The following TENM3 variants were observed in gnomAD, a reference collection of about 807,000 sequenced individuals.
TENM3 encodes teneurin-3.
In TENM3, 63 loss-of-function variants were observed where a neutral mutation model predicts 255.1. That is an observed-to-expected ratio of 0.25 (90% CI 0.20 to 0.30). The LOEUF is 0.30. Among genes scored for constraint, TENM3 ranks in the 10% least tolerant of loss-of-function variants. The pLI, the probability that TENM3 is intolerant of heterozygous loss-of-function variation, is 1.00. For synonymous variants in TENM3, 1,306 were observed against 1,322.3 expected, an observed-to-expected ratio of 0.99 and a Z score of 0.27; for missense variants, 2,929 against 3,461.1, an observed-to-expected ratio of 0.85 and a Z score of 3.86.
intron 3 of TENM3, among the ~76,000 whole-genome samples, chr4:182,454,572 G>A (rs1434112830): frequency 6.6e-6 from 1 of 152,148 alleles, no homozygotes; most frequent in Non-Finnish European, 1.5e-5. Flanking sequence ...TGGGAATAAT[G>A]TTTGTTTTAA....
intron 3 of TENM3, among the ~76,000 whole-genome samples, chr4:182,516,700 G>A (rs1737989360): frequency 6.6e-6 from 1 of 152,120 alleles, no homozygotes. Context: ...AGACTAGCCT[G>A]GCCAACATGG....
the TENM3 span, among the ~76,000 whole-genome samples, chr4:181,483,409 C>T: frequency 6.6e-6 from 1 of 152,226 alleles, no homozygotes; most frequent in South Asian, 2.1e-4. Flanking sequence ...CGTAGTCATT[C>T]TGTGGATTAA....
chr4:182,348,785 T>C (rs1261336192), intron 3 of TENM3, among the ~76,000 whole-genome samples: 1 of 150,022 alleles, frequency 6.7e-6, no homozygotes, highest in Non-Finnish European at 1.5e-5. Flanking sequence ...AACATATGTA[T>C]TTTTTTTTCT....
In TENM3 at chr4:182,392,236, C is replaced by T. The variant is rs1003918528; in HGVS notation, c.511+45307C>T. The stretch of plus-strand genomic sequence containing the variant: ...TGCTGCAGCCACCTGCTCTACCGTA[C>T]GGAGCTGAGGTAATTAATAAGAGGT... On this transcript the variant is annotated intron_variant, in intron 3 of 27. Coordinates refer to ENST00000511685, the MANE Select transcript of TENM3 (RefSeq NM_001080477.4). 4.6e-5 allele frequency among the ~76,000 whole-genome samples: 7 copies of T among 152,234 alleles called. 1 individual carries two copies. The South Asian group carries it at 1.0e-3, about 23-fold the overall frequency.
At chr4:182,327,648 A>C (rs1425522316) in intron 2 of TENM3, among the ~76,000 whole-genome samples, 1 of 152,094 alleles carries the variant, frequency 6.6e-6, no homozygotes, top group East Asian at 1.9e-4. Context: ...TCTCACATTG[A>C]TCTCTTTCTC....
intron 1 of TENM3, among the ~76,000 whole-genome samples, chr4:182,212,800 G>A (rs1755144026): frequency 6.6e-6 from 1 of 152,204 alleles, no homozygotes; most frequent in Non-Finnish European, 1.5e-5. Context: ...TAGAACGAGT[G>A]GTGCAAAAGA....
At chr4:182,781,566 C>T (rs1000650930) in intron 24 of TENM3, among the ~76,000 whole-genome samples, 33 of 152,100 alleles carry the variant, frequency 2.2e-4, no homozygotes, top group Admixed American at 6.5e-4. Flanking sequence ...ATGCTGGCCT[C>T]ATAAAATGAG....
chr4:181,988,948 GCCCCACGACCC>G, the TENM3 span, among the ~76,000 whole-genome samples: 1 of 151,924 alleles, frequency 6.6e-6, no homozygotes, highest in African/African-American at 2.4e-5. Flanking sequence ...CTTGTCCATT[GCCCCACGACCC>G]CACTTAGCAG....
At chr4:182,652,016 C>T (rs964369361) in intron 5 of TENM3, among the ~76,000 whole-genome samples, 1 of 152,166 alleles carries the variant, frequency 6.6e-6, no homozygotes, top group African/African-American at 2.4e-5. Context: ...ACATGTTCTC[C>T]TCTCTTAGCC....
At chr4:182,444,789 CA>C (rs1252261061) in intron 3 of TENM3, among the ~76,000 whole-genome samples, 1 of 152,150 alleles carries the variant, frequency 6.6e-6, no homozygotes, top group African/African-American at 2.4e-5. Flanking sequence ...ACACTCCTAA[CA>C]ACCAGCTTTC....
chr4:181,627,338 C>A, the TENM3 span, among the ~76,000 whole-genome samples: 1 of 151,990 alleles, frequency 6.6e-6, no homozygotes, highest in African/African-American at 2.4e-5. Context: ...GCACACATTT[C>A]TTTTTATTTT....
chr4:181,644,709 T>C, the TENM3 span, among the ~76,000 whole-genome samples: 4 of 151,952 alleles, frequency 2.6e-5, no homozygotes, highest in African/African-American at 7.2e-5. Flanking sequence ...TTTTCTGTTT[T>C]TTCTCTTTTA....
chr4:181,632,202 T>G, the TENM3 span, among the ~76,000 whole-genome samples: 1 of 152,076 alleles, frequency 6.6e-6, no homozygotes, highest in African/African-American at 2.4e-5. Flanking sequence ...CAGGCACGTC[T>G]TACATGGTGG....
the TENM3 span, among the ~76,000 whole-genome samples, chr4:181,893,313 C>A: frequency 6.6e-6 from 1 of 152,096 alleles, no homozygotes; most frequent in Admixed American, 6.6e-5. Flanking sequence ...TGAACCCACA[C>A]TCCGAACTTG....
chr4:182,023,591 G>A, the TENM3 span, among the ~76,000 whole-genome samples: 1 of 152,188 alleles, frequency 6.6e-6, no homozygotes, highest in Admixed American at 6.5e-5. Flanking sequence ...GAGCTGAAGT[G>A]TACGCCACTG....
intron 3 of TENM3, among the ~76,000 whole-genome samples, chr4:182,396,732 C>CG (rs1339374905): frequency 1.3e-5 from 2 of 152,066 alleles, no homozygotes; most frequent in African/African-American, 4.8e-5. Context: ...GAGGCTGAGG[C>CG]GGGTGGATCG....
At chr4:182,105,479 A>G in the TENM3 span, among the ~76,000 whole-genome samples, 1 of 152,284 alleles carries the variant, frequency 6.6e-6, no homozygotes, top group Admixed American at 6.5e-5. Flanking sequence ...AATTTGCTAC[A>G]GGGACTCACA....
the TENM3 span, among the ~76,000 whole-genome samples, chr4:181,507,320 G>C: frequency 3.9e-5 from 6 of 152,136 alleles, no homozygotes; most frequent in African/African-American, 1.4e-4. Flanking sequence ...GAAACACCAA[G>C]AGTCTCTTAA....
At chr4:182,582,779 A>G (rs1297581067) in intron 3 of TENM3, among the ~76,000 whole-genome samples, 1 of 152,232 alleles carries the variant, frequency 6.6e-6, no homozygotes, top group African/African-American at 2.4e-5. Flanking sequence ...TGTTTTTAAA[A>G]TGAACTATTG....
Sources: gnomAD v4.1 joint callset for allele counts (sites outside exome capture counted in the v4.1 genomes callset) on GRCh38, gnomAD v4.1.1 for gene constraint, MANE v1.5 for transcripts, NCBI Gene and HGNC (gene_info 2026-07-23, HGNC 2026-07-21) for gene names.